Variants in MACROD2 observed in about 807,000 individuals in gnomAD.
The protein encoded by MACROD2 is ADP-ribose glycohydrolase MACROD2.
Under a neutral mutation model 70.4 loss-of-function variants are expected in MACROD2, and 36 were observed. The observed-to-expected ratio is 0.51, with a 90% CI of 0.39 to 0.68. MACROD2 has a LOEUF of 0.68. Among genes scored for constraint, MACROD2 ranks in the 30% least tolerant of loss-of-function variants. MACROD2 has a pLI of 0.00. For synonymous variants in MACROD2, 172 were observed against 178.8 expected (o/e 0.96, Z 0.30); for missense variants, 496 against 538.4 (o/e 0.92, Z 0.78).
intron 8 of MACROD2, among the ~76,000 whole-genome samples, chr20:15,688,605 C>T (rs192195560): frequency 1.3e-5 from 2 of 152,266 alleles, no homozygotes; most frequent in African/African-American, 4.8e-5. Flanking sequence ...ATTCCATATT[C>T]TTCTAAATAT....
chr20:15,839,290 G>A (rs543796213), intron 8 of MACROD2, among the ~76,000 whole-genome samples: 6 of 152,050 alleles, frequency 3.9e-5, no homozygotes, highest in Non-Finnish European at 8.8e-5. Flanking sequence ...ATGATGAACC[G>A]AACCATTGGC....
In MACROD2 at chr20:15,227,823, G is replaced by GTTTTTTTTTTTTTTTTTTTTT. The variant is rs59129207; in HGVS notation, c.419-2111_419-2091dup. Among the ~76,000 whole-genome samples, 32 of 46,098 alleles carry GTTTTTTTTTTTTTTTTTTTTT rather than the reference G, an allele frequency of 6.9e-4. 8 individuals are homozygous for GTTTTTTTTTTTTTTTTTTTTT. Among genetic ancestry groups the GTTTTTTTTTTTTTTTTTTTTT allele is most frequent in the Non-Finnish European group, 1.1e-3 (28 of 25,994 alleles). The allele number at this position is 46,098 out of a possible 152,430, so 30.2% of individuals were successfully genotyped here. ...TAACTGGTGTGATAGAATTTCACCTGTTTTTTTTTTTTTTTTTTTTTTTTT... is the reference window on the plus strand; with the variant it reads ...TAACTGGTGTGATAGAATTTCACCTGTTTTTTTTTTTTTTTTTTTTTTTTTTTTTTTTTTTTTTTTTTTTTT... On this transcript the variant is annotated intron_variant, in intron 5 of 17. Coordinates refer to ENST00000684519, the MANE Select transcript of MACROD2 (RefSeq NM_001351661.2).
chr20:15,500,938 A>C (rs1391941224), intron 8 of MACROD2, among the ~76,000 whole-genome samples: 7 of 152,226 alleles, frequency 4.6e-5, no homozygotes, highest in Non-Finnish European at 8.8e-5. Context: ...CAAATAGCTA[A>C]AATAGCCAGC....
chr20:15,966,250 A>C (rs2066138362), intron 12 of MACROD2, among the ~76,000 whole-genome samples: 1 of 152,214 alleles, frequency 6.6e-6, no homozygotes, highest in African/African-American at 2.4e-5. Context: ...TTCAGTAGAG[A>C]ACACATTTGT....
intron 2 of MACROD2, among the ~76,000 whole-genome samples, chr20:14,013,674 C>CTTTTTTTTTT (rs34386274): frequency 2.8e-5 from 2 of 70,944 alleles, no homozygotes; most frequent in Non-Finnish European, 4.9e-5. Flanking sequence ...TTATATTAAG[C>CTTTTTTTTTT]TTTTTTTTTT....
chr20:15,497,238 C>A (rs1463639571), intron 7 of MACROD2, among the ~76,000 whole-genome samples: 2 of 152,154 alleles, frequency 1.3e-5, no homozygotes, highest in African/African-American at 4.8e-5. Context: ...CAGAGATGGA[C>A]TGAAAAGGCC....
intron 8 of MACROD2, among the ~76,000 whole-genome samples, chr20:15,525,275 T>A (rs1365329262): frequency 6.6e-6 from 1 of 151,142 alleles, no homozygotes; most frequent in African/African-American, 2.4e-5. Context: ...TCCACTAGAA[T>A]CCCACTAAGA....
chr20:15,088,209 G>A (rs1420113621), intron 5 of MACROD2, among the ~76,000 whole-genome samples: 1 of 151,376 alleles, frequency 6.6e-6, no homozygotes, highest in Non-Finnish European at 1.5e-5. Context: ...AAATGCAAGA[G>A]TGCCTCTTTT....
intron 8 of MACROD2, among the ~76,000 whole-genome samples, chr20:15,841,464 C>A (rs1229885296): frequency 6.6e-6 from 1 of 152,074 alleles, no homozygotes; most frequent in African/African-American, 2.4e-5. Flanking sequence ...CCTTAGGAAG[C>A]TTACAGTCAT....
chr20:15,785,151 C>CAA (rs398035431), intron 8 of MACROD2, among the ~76,000 whole-genome samples: 57 of 103,532 alleles, frequency 5.5e-4, no homozygotes, highest in Middle Eastern at 4.9e-3. Flanking sequence ...GACTCCGTCT[C>CAA]AAAAAAAAAA....
chr20:15,748,818 A>G lies in MACROD2; in HGVS notation c.646-113927A>G, dbSNP rs184551302. ...TCAAGACCCAGGAGAAATTTTCTCT[A>G]ATGATATTTTGACAAACACGTATAT... On this transcript the variant is annotated intron_variant, in intron 8 of 17. Coordinates refer to ENST00000684519, the MANE Select transcript of MACROD2 (RefSeq NM_001351661.2). 7.4e-4 allele frequency among the ~76,000 whole-genome samples: 113 copies of G among 152,230 alleles called. 1 individual carries two copies. Among genetic ancestry groups the G allele is most frequent in the African/African-American group, 2.6e-3 (109 of 41,558 alleles).
intron 5 of MACROD2, among the ~76,000 whole-genome samples, chr20:14,706,292 G>A (rs1223202827): frequency 1.3e-5 from 2 of 150,404 alleles, no homozygotes; most frequent in Non-Finnish European, 2.9e-5. Context: ...CCAGCCTGGT[G>A]ACAGAGCAAG....
At chr20:14,608,730 G>T (rs1246737552) in intron 4 of MACROD2, among the ~76,000 whole-genome samples, 1 of 152,110 alleles carries the variant, frequency 6.6e-6, no homozygotes, top group Non-Finnish European at 1.5e-5. Context: ...CGAGTATTTG[G>T]ATTATATAAC....
At chr20:14,652,222 C>T (rs1217647710) in intron 4 of MACROD2, among the ~76,000 whole-genome samples, 1 of 152,082 alleles carries the variant, frequency 6.6e-6, no homozygotes, top group African/African-American at 2.4e-5. Flanking sequence ...TATCTTTTAA[C>T]CCCAAATGAT....
At chr20:14,282,108 T>A (rs967798872) in intron 3 of MACROD2, among the ~76,000 whole-genome samples, 9 of 152,162 alleles carry the variant, frequency 5.9e-5, no homozygotes, top group African/African-American at 2.2e-4. Flanking sequence ...ATAATTGGAT[T>A]CTATGTTTGC....
chr20:14,865,870 C>CAT (rs1201305700), intron 5 of MACROD2, among the ~76,000 whole-genome samples: 1 of 152,088 alleles, frequency 6.6e-6, no homozygotes, highest in East Asian at 1.9e-4. Context: ...TCTTCAAACA[C>CAT]TAAGTGATTT....
At chr20:15,093,552 T>C (rs1416691652) in intron 5 of MACROD2, among the ~76,000 whole-genome samples, 1 of 152,222 alleles carries the variant, frequency 6.6e-6, no homozygotes, top group Non-Finnish European at 1.5e-5. Flanking sequence ...TTTTTAGGTT[T>C]GTTCTGATGG....
chr20:14,307,285 G>GA (rs1232926370), intron 3 of MACROD2, among the ~76,000 whole-genome samples: 2 of 152,120 alleles, frequency 1.3e-5, no homozygotes, highest in African/African-American at 2.4e-5. Context: ...TTGGGGAATA[G>GA]AAAAGGAATC....
chr20:15,251,132 GT>G (rs1379230432), intron 6 of MACROD2, among the ~76,000 whole-genome samples: 1 of 151,988 alleles, frequency 6.6e-6, no homozygotes. Flanking sequence ...ATCATTTTAG[GT>G]TTCCGAAAAA....
Sources: allele counts gnomAD v4.1 joint callset (sites outside exome capture counted in the v4.1 genomes callset), GRCh38; gene constraint gnomAD v4.1.1; transcripts MANE v1.5; gene names NCBI Gene and HGNC (gene_info 2026-07-23, HGNC 2026-07-21).